MAF: variants seen among roughly 807,000 people sequenced by gnomAD.
MAF encodes MAF bZIP transcription factor.
MAF carries 10 observed loss-of-function variants against 22.0 expected under a neutral mutation model. That is an observed-to-expected ratio of 0.45 (90% confidence interval 0.28 to 0.77). MAF has a LOEUF of 0.77. MAF is among the 30% of genes least tolerant of loss of function. The pLI is 0.12. For synonymous variants in MAF, 337 were observed against 255.8 expected, an observed-to-expected ratio of 1.32 and a Z score of -3.03; for missense variants, 544 against 548.4, an observed-to-expected ratio of 0.99 and a Z score of 0.08.
chr16:79,586,390 G>T (rs185230593), intron 1 of MAF, among the ~76,000 whole-genome samples: 1 of 146,248 alleles, frequency 6.8e-6, no homozygotes, highest in Admixed American at 6.7e-5. Context: ...TGTGTGCTAG[G>T]GTTCCTTCTC....
chr16:79,427,580 T>C, the MAF span, among the ~76,000 whole-genome samples: 1 of 152,166 alleles, frequency 6.6e-6, no homozygotes, highest in Non-Finnish European at 1.5e-5. Context: ...TACTTCTTTC[T>C]CAGGGTGCAC....
chr16:79,317,909 TTCATTCAC>T, the MAF span, among the ~76,000 whole-genome samples: 22 of 124,564 alleles, frequency 1.8e-4, no homozygotes, highest in Non-Finnish European at 1.9e-4. Context: ...TATTCATTCA[TTCATTCAC>T]TCACTCACTC....
At chr16:79,514,654 T>C in the MAF span, among the ~76,000 whole-genome samples, 1 of 152,152 alleles carries the variant, frequency 6.6e-6, no homozygotes, top group Non-Finnish European at 1.5e-5. Context: ...ATAACTCCTA[T>C]GGATAGTCCC....
the MAF span, among the ~76,000 whole-genome samples, chr16:79,375,350 G>A: frequency 6.6e-5 from 10 of 152,146 alleles, no homozygotes; most frequent in Non-Finnish European, 1.3e-4. Flanking sequence ...CCACATTGTT[G>A]TTCTTCATCA....
the MAF span, among the ~76,000 whole-genome samples, chr16:79,300,957 C>A: frequency 6.6e-6 from 1 of 151,588 alleles, no homozygotes; most frequent in African/African-American, 2.4e-5. Flanking sequence ...GAGAAGAAAG[C>A]AAAGGACAGC....
chr16:79,355,123 G>A, the MAF span, among the ~76,000 whole-genome samples: 1 of 152,074 alleles, frequency 6.6e-6, no homozygotes, highest in Non-Finnish European at 1.5e-5. Context: ...TCCACTTTAG[G>A]ACAATTAATC....
At chr16:79,464,718 G>C in the MAF span, among the ~76,000 whole-genome samples, 1 of 152,108 alleles carries the variant, frequency 6.6e-6, no homozygotes, top group Non-Finnish European at 1.5e-5. Context: ...GGGTCAGAGG[G>C]GACTGCTGTT....
chr16:79,554,360 A>T, the MAF span, among the ~76,000 whole-genome samples: 1 of 152,140 alleles, frequency 6.6e-6, no homozygotes, highest in Non-Finnish European at 1.5e-5. Flanking sequence ...CTTTCTTCCT[A>T]ATCTCCCAGA....
the MAF span, among the ~76,000 whole-genome samples, chr16:79,491,067 G>A: frequency 1.7e-3 from 252 of 152,328 alleles, no homozygotes; most frequent in Non-Finnish European, 3.3e-3. Flanking sequence ...TCTGAATTCC[G>A]AAAGGATAGA....
chr16:79,327,108 A>T, the MAF span, among the ~76,000 whole-genome samples: 1 of 152,218 alleles, frequency 6.6e-6, no homozygotes, highest in African/African-American at 2.4e-5. Flanking sequence ...GTACAGGGGA[A>T]ATCTCTGGGT....
chr16:79,499,179 G>A, the MAF span, among the ~76,000 whole-genome samples: 1 of 152,186 alleles, frequency 6.6e-6, no homozygotes, highest in Non-Finnish European at 1.5e-5. Context: ...TCTCTGTGAA[G>A]TATGACAGCA....
chr16:79,252,053 C>T, the MAF span, among the ~76,000 whole-genome samples: 1 of 152,246 alleles, frequency 6.6e-6, no homozygotes, highest in Non-Finnish European at 1.5e-5. Context: ...TGGTCTATGC[C>T]GTCCCGGCCT....
At chr16:79,584,819 A>T (rs1355547142), downstream of MAF, among the ~76,000 whole-genome samples, 1 of 152,216 alleles carries the variant, frequency 6.6e-6, no homozygotes, top group Non-Finnish European at 1.5e-5. Flanking sequence ...CAAAATATTC[A>T]CAATCCAGTA....
chr16:79,279,402 A>C, the MAF span, among the ~76,000 whole-genome samples: 1 of 152,184 alleles, frequency 6.6e-6, no homozygotes, highest in Non-Finnish European at 1.5e-5. Flanking sequence ...GGGACACGTA[A>C]AGGTTAGTGG....
chr16:79,376,615 T>A, the MAF span, among the ~76,000 whole-genome samples: 2 of 152,128 alleles, frequency 1.3e-5, no homozygotes, highest in African/African-American at 4.8e-5. Flanking sequence ...CCATGTTGGT[T>A]TGCTGCACCC....
At chr16:79,439,577 TA>T in the MAF span, among the ~76,000 whole-genome samples, 1 of 152,168 alleles carries the variant, frequency 6.6e-6, no homozygotes, top group South Asian at 2.1e-4. Context: ...TAATATTTAT[TA>T]ATCTCTTCTT....
the MAF span, among the ~76,000 whole-genome samples, chr16:79,379,330 G>A: frequency 2.0e-5 from 3 of 152,154 alleles, no homozygotes; most frequent in Admixed American, 6.5e-5. Context: ...GTTGCCTTGG[G>A]TGTGTCAGCC....
the MAF span, among the ~76,000 whole-genome samples, chr16:79,506,737 C>T: frequency 6.6e-6 from 1 of 152,146 alleles, no homozygotes; most frequent in South Asian, 2.1e-4. Context: ...TGTTCAGGGT[C>T]TCACTGGGTG....
At chr16:79,329,065 C>G in the MAF span, among the ~76,000 whole-genome samples, 1 of 133,902 alleles carries the variant, frequency 7.5e-6, no homozygotes, top group Non-Finnish European at 1.6e-5. Flanking sequence ...CAACTTGCCC[C>G]CTTCCTTCTG....
Sources: gnomAD v4.1 joint callset for allele counts (sites outside exome capture counted in the v4.1 genomes callset) on GRCh38, gnomAD v4.1.1 for gene constraint, MANE v1.5 for transcripts, NCBI Gene and HGNC (gene_info 2026-07-23, HGNC 2026-07-21) for gene names.